The following PIK3R3 variants were observed in gnomAD, a reference collection of about 807,000 sequenced individuals.
PIK3R3 encodes phosphatidylinositol 3-kinase regulatory subunit gamma.
PIK3R3 carries 64 observed loss-of-function variants against 62.9 expected under a neutral mutation model. The ratio of observed to expected loss-of-function variants is 1.02; its 90% CI spans 0.83 to 1.25. The LOEUF (loss-of-function observed/expected upper bound fraction) is 1.25. Among genes scored for constraint, PIK3R3 ranks in the 50% most tolerant of loss-of-function variants. The pLI, the probability that PIK3R3 is intolerant of heterozygous loss-of-function variation, is 0.00. For synonymous variants in PIK3R3, 165 were observed against 189.0 expected (o/e 0.87, Z 1.04); for missense variants, 614 against 561.6 (o/e 1.09, Z -0.94).
In PIK3R3 at chr1:46,080,783, T is replaced by C. The variant is rs1480788836; in HGVS notation, c.107-33A>G. On this transcript the variant is annotated intron_variant, in intron 1 of 9. Coordinates refer to ENST00000262741, the MANE Select transcript of PIK3R3 (RefSeq NM_003629.4). Reference sequence around the variant, plus strand: ...AGAAATGAATATTACTCTGTAGATGTAAATTATTTACTGTTTTCTAATTTC... The same window carrying C: ...AGAAATGAATATTACTCTGTAGATGCAAATTATTTACTGTTTTCTAATTTC... The C allele has an allele frequency of 4.9e-5, 69 of 1,398,298 alleles. 1 individual carries two copies. The East Asian group carries it at 1.5e-3, about 31-fold the overall frequency. The allele number at this position is 1,398,298 out of a possible 1,614,324, so 86.6% of individuals were successfully genotyped here. A position where few individuals can be genotyped will look rare whatever the true frequency, so the allele number is the denominator to read the frequency against.
chr1:46,124,481 A>G (rs1336434301), intron 1 of PIK3R3, among the ~76,000 whole-genome samples: 1 of 152,188 alleles, frequency 6.6e-6, no homozygotes, highest in African/African-American at 2.4e-5. Context: ...TATCTTTTCT[A>G]CATTCTAAGA....
intron 1 of PIK3R3, among the ~76,000 whole-genome samples, chr1:46,124,926 C>G (rs996453863): frequency 4.0e-5 from 6 of 151,646 alleles, no homozygotes; most frequent in African/African-American, 1.5e-4. Context: ...GGTGAAACCC[C>G]GTCTCTACTT....
At chr1:46,135,730 T>A (rs986966757), upstream of PIK3R3, among the ~76,000 whole-genome samples, 3 of 152,126 alleles carry the variant, frequency 2.0e-5, no homozygotes, top group Admixed American at 1.3e-4. Flanking sequence ...CAATATTTTT[T>A]TAAAAGCCTT....
At chr1:46,166,295 C>G in the PIK3R3 span, among the ~76,000 whole-genome samples, 1 of 151,818 alleles carries the variant, frequency 6.6e-6, no homozygotes, top group Non-Finnish European at 1.5e-5. Context: ...ATGATCTTGG[C>G]TCAGTGCAAC....
chr1:46,089,950 A>G lies in PIK3R3; in HGVS notation c.107-9200T>C, dbSNP rs1336217249. ...AAAGTGAAAAATTATAAATAGCAGT[A>G]TTACCGTATTACAAAAAATAGGGAG... is the stretch of plus-strand genomic sequence containing the variant. On this transcript the variant is annotated intron_variant, in intron 1 of 9. Coordinates refer to ENST00000262741, the MANE Select transcript of PIK3R3 (RefSeq NM_003629.4). Among the ~76,000 whole-genome samples the G allele has an allele frequency of 3.3e-5, 5 of 152,252 alleles. No individual in the cohort carries two copies. The South Asian group carries it at 1.0e-3, about 32-fold the overall frequency.
intron 6 of PIK3R3, 70 bp downstream of exon 6, chr1:46,061,859 G>C (rs1557567292): frequency 8.3e-6 from 12 of 1,452,012 alleles, no homozygotes; most frequent in Non-Finnish European, 1.2e-5. Context: ...AAGAAAACAA[G>C]ACAGAAATTA....
At position 46,131,828 on chromosome 1, in the gene PIK3R3, T is replaced by C. The variant is rs756254670; in HGVS notation, c.106+19A>G. On this transcript the variant is annotated intron_variant, in intron 1 of 9. Transcript: ENST00000262741. Reference sequence around the variant, plus strand: ...AATCAGACCCATCACGAGATTCTTTTTTTTTTTCTCCCAAGTACCTGGAGG... The same window carrying C: ...AATCAGACCCATCACGAGATTCTTTCTTTTTTTCTCCCAAGTACCTGGAGG... The C allele has an allele frequency of 3.1e-6, 5 of 1,609,324 alleles. No homozygotes were observed. The South Asian group carries it at 4.4e-5, about 14-fold the overall frequency.
chr1:46,062,219 G>C, intron 5 of PIK3R3, 148 bp from the exon 6 acceptor site: 1 of 641,672 alleles, frequency 1.6e-6, no homozygotes, highest in South Asian at 2.0e-5. Context: ...TGTTTAGGAG[G>C]ACTAAAACAA....
chr1:46,066,217 T>G, intron 4 of PIK3R3, 38 bp from the exon 5 acceptor site: 2 of 1,382,514 alleles, frequency 1.4e-6, no homozygotes, highest in African/African-American at 1.4e-5. Flanking sequence ...ATGTTAACAA[T>G]TCTGACATAT....
intron 5 of PIK3R3, 71 bp downstream of exon 5, chr1:46,065,983 T>G: frequency 7.3e-7 from 1 of 1,364,590 alleles, no homozygotes; most frequent in Non-Finnish European, 1.0e-6. Context: ...GATCATCAAG[T>G]GAATGATCGA....
chr1:46,054,522 T>C (rs2149383404), intron 7 of PIK3R3, among the ~76,000 whole-genome samples: 1 of 151,766 alleles, frequency 6.6e-6, no homozygotes, highest in East Asian at 1.9e-4. Context: ...AACCCTGAAG[T>C]CTATGGAAAA....
At chr1:46,085,515 T>C (rs1245979717) in intron 1 of PIK3R3, among the ~76,000 whole-genome samples, 1 of 152,230 alleles carries the variant, frequency 6.6e-6, no homozygotes, top group Non-Finnish European at 1.5e-5. Flanking sequence ...CCCTCCCATG[T>C]AGATTGTAGA....
chr1:46,157,419 C>A, the PIK3R3 span, among the ~76,000 whole-genome samples: 2 of 152,166 alleles, frequency 1.3e-5, no homozygotes, highest in Non-Finnish European at 2.9e-5. Flanking sequence ...AAGACATGAG[C>A]CACTGTGCCT....
At chr1:46,073,889 C>T (rs1034075574) in intron 3 of PIK3R3, among the ~76,000 whole-genome samples, 1 of 150,372 alleles carries the variant, frequency 6.7e-6, no homozygotes, top group Non-Finnish European at 1.5e-5. Context: ...CTGCCTTGGC[C>T]TCCCAAAGTG....
chr1:46,052,550 C>T (rs536862695), intron 7 of PIK3R3, among the ~76,000 whole-genome samples: 5 of 152,120 alleles, frequency 3.3e-5, no homozygotes, highest in African/African-American at 1.2e-4. Flanking sequence ...TATGTATAAA[C>T]CCATGGAACC....
Position 46,041,370 on chromosome 1 carries a change from GA to G in PIK3R3, c.*2302del, listed in dbSNP as rs371859463. On this transcript the variant is annotated 3_prime_UTR_variant, in exon 10 of 10. Coordinates refer to ENST00000262741, the MANE Select transcript of PIK3R3 (RefSeq NM_003629.4). ...CCCACAAAACAATGAATTCAAGAAT[GA>G]AAAAAAAAATGAAGGAATGTAGGAC... 6.9e-3 allele frequency: 1,120 copies of G among 163,010 alleles called. 12 individuals are homozygous for G. The highest frequency in any genetic ancestry group is 0.025 in the African/African-American group (1,003 of 40,662). The allele number at this position is 163,010 out of a possible 1,614,324, so 10.1% of individuals were successfully genotyped here.
chr1:46,087,592 C>CTTTTTTTTTTTTT (rs35296719), intron 1 of PIK3R3, among the ~76,000 whole-genome samples: 1 of 100,358 alleles, frequency 1.0e-5, no homozygotes, highest in African/African-American at 3.7e-5. Context: ...ACATATTCAT[C>CTTTTTTTTTTTTT]TTTTTTTTTT....
chr1:46,127,648 C>T (rs1484596947), intron 1 of PIK3R3, among the ~76,000 whole-genome samples: 1 of 152,192 alleles, frequency 6.6e-6, no homozygotes, highest in South Asian at 2.1e-4. Flanking sequence ...TCCCAATTCC[C>T]GAAGTCATAG....
chr1:46,061,903 C>G, intron 6 of PIK3R3, 26 bp downstream of exon 6: 1 of 1,601,164 alleles, frequency 6.2e-7, no homozygotes, highest in Non-Finnish European at 8.5e-7. Context: ...CTCACTGATG[C>G]CCTTGGAGGT....
Sources: gnomAD v4.1 joint callset for allele counts (sites outside exome capture counted in the v4.1 genomes callset) on GRCh38, gnomAD v4.1.1 for gene constraint, MANE v1.5 for transcripts, NCBI Gene and HGNC (gene_info 2026-07-23, HGNC 2026-07-21) for gene names.